SCGN: variants seen among roughly 807,000 people sequenced by gnomAD.
SCGN encodes the protein secretagogin.
Under a neutral mutation model 39.7 loss-of-function variants are expected in SCGN, and 30 were observed. That is an observed-to-expected ratio of 0.76 (90% CI 0.57 to 1.03). The LOEUF (loss-of-function observed/expected upper bound fraction) is 1.03, where lower values mean the gene tolerates loss of function less well. Among genes scored for constraint, SCGN ranks in the 50% least tolerant of loss-of-function variants. SCGN has a pLI of 0.00. For missense variants in SCGN, 353 were observed against 349.4 expected, an observed-to-expected ratio of 1.01 and a Z score of -0.08; for synonymous variants, 106 against 114.1, an observed-to-expected ratio of 0.93 and a Z score of 0.45.
intron 6 of SCGN, among the ~76,000 whole-genome samples, chr6:25,678,355 A>C (rs961939642): frequency 6.6e-6 from 1 of 152,144 alleles, no homozygotes; most frequent in South Asian, 2.1e-4. Flanking sequence ...GAGGGAGGAA[A>C]AATTCAGGCC....
At chr6:25,671,182 A>T (rs1054865177) in intron 6 of SCGN, among the ~76,000 whole-genome samples, 11 of 152,246 alleles carry the variant, frequency 7.2e-5, no homozygotes, top group Non-Finnish European at 1.5e-4. Flanking sequence ...ATTATGTCTA[A>T]CAACTTCTCT....
At chr6:25,686,440 T>C (rs1176412841) in intron 7 of SCGN, among the ~76,000 whole-genome samples, 2 of 152,198 alleles carry the variant, frequency 1.3e-5, no homozygotes, top group African/African-American at 2.4e-5. Context: ...TAGTATGTCA[T>C]TGTGATTTGC....
chr6:25,667,627 TTG>T (rs2151378657), intron 4 of SCGN, among the ~76,000 whole-genome samples: 1 of 152,316 alleles, frequency 6.6e-6, no homozygotes, highest in Non-Finnish European at 1.5e-5. Flanking sequence ...ATTGCTACCA[TTG>T]TCTTTGTTCG....
At chr6:25,667,655 T>C (rs1247200984) in intron 4 of SCGN, among the ~76,000 whole-genome samples, 3 of 152,242 alleles carry the variant, frequency 2.0e-5, no homozygotes, top group Non-Finnish European at 4.4e-5. Context: ...CCTTTTTGTA[T>C]GTCTTAGATT....
At chr6:25,656,309 A>G (rs1279318847) in intron 2 of SCGN, among the ~76,000 whole-genome samples, 1 of 152,196 alleles carries the variant, frequency 6.6e-6, no homozygotes, top group Non-Finnish European at 1.5e-5. Flanking sequence ...AGAGGCATGA[A>G]TAGCTCTACT....
chr6:25,695,392 C>T (rs1444871483), intron 10 of SCGN, among the ~76,000 whole-genome samples: 2 of 152,134 alleles, frequency 1.3e-5, no homozygotes, highest in African/African-American at 2.4e-5. Context: ...CACCCCCCTC[C>T]ACCTTTTTTT....
At position 25,676,542 on chromosome 6, in the gene SCGN, A is replaced by C. The variant is rs77931315; in HGVS notation, c.472-5409A>C. 3.3e-3 allele frequency among the ~76,000 whole-genome samples: 498 copies of C among 152,268 alleles called. 13 individuals carry two copies. The East Asian group carries it at 0.065, about 20-fold the overall frequency. On this transcript the variant is annotated intron_variant, in intron 6 of 10. Transcript: ENST00000377961. Reference sequence around the variant, plus strand: ...GCACTTGCCATATCCCTGCCAATCTATTTTTAACCCTGGTATGCATTTGAT... The same window carrying C: ...GCACTTGCCATATCCCTGCCAATCTCTTTTTAACCCTGGTATGCATTTGAT...
intron 10 of SCGN, 57 bp from the exon 11 acceptor site, chr6:25,701,150 T>G: frequency 6.4e-7 from 1 of 1,561,050 alleles, no homozygotes; most frequent in Non-Finnish European, 8.7e-7. Context: ...GAGAGGGTGT[T>G]AAAGGGTGAG....
At chr6:25,675,324 C>T (rs1759549662) in intron 6 of SCGN, among the ~76,000 whole-genome samples, 1 of 152,222 alleles carries the variant, frequency 6.6e-6, no homozygotes. Context: ...CTACAGCTGC[C>T]TGGGCACCAT....
chr6:25,694,688 G>A (rs1026623307), intron 10 of SCGN, among the ~76,000 whole-genome samples: 3 of 152,302 alleles, frequency 2.0e-5, no homozygotes, highest in Admixed American at 6.5e-5. Flanking sequence ...GTTCTCCTCC[G>A]AAAATTGAAG....
chr6:25,698,433 A>G (rs1759865381), intron 10 of SCGN, among the ~76,000 whole-genome samples: 1 of 152,244 alleles, frequency 6.6e-6, no homozygotes, highest in African/African-American at 2.4e-5. Context: ...AATTCACACT[A>G]ATGTGTAAAT....
chr6:25,679,755 G>A (rs1302712595), intron 6 of SCGN, among the ~76,000 whole-genome samples: 2 of 152,192 alleles, frequency 1.3e-5, no homozygotes, highest in African/African-American at 2.4e-5. Context: ...GGAAATTCAG[G>A]CCACTGAATT....
intron 6 of SCGN, among the ~76,000 whole-genome samples, chr6:25,673,764 C>T (rs1397258420): frequency 6.6e-6 from 1 of 152,066 alleles, no homozygotes. Context: ...TCCAGATGGC[C>T]CCTGTGTTAG....
intron 10 of SCGN, among the ~76,000 whole-genome samples, chr6:25,694,581 A>C (rs1286694740): frequency 1.3e-5 from 2 of 152,240 alleles, no homozygotes; most frequent in African/African-American, 2.4e-5. Context: ...CCTAGAGACC[A>C]AGTCAGACTG....
At chr6:25,658,893 C>T (rs1760283217) in intron 2 of SCGN, among the ~76,000 whole-genome samples, 1 of 152,220 alleles carries the variant, frequency 6.6e-6, no homozygotes, top group Non-Finnish European at 1.5e-5. Context: ...AAACTACTGA[C>T]TGACATGAAA....
chr6:25,696,686 G>A (rs1328246331), intron 10 of SCGN, among the ~76,000 whole-genome samples: 1 of 152,156 alleles, frequency 6.6e-6, no homozygotes, highest in East Asian at 1.9e-4. Context: ...AGAAAGAGCA[G>A]GTGTGCTTTC....
Position 25,693,173 on chromosome 6 carries a change from C to T in SCGN, c.702+2049C>T, listed in dbSNP as rs147307131. 3.0e-3 allele frequency among the ~76,000 whole-genome samples: 454 copies of T among 152,062 alleles called. 3 individuals carry two copies. The highest frequency in any genetic ancestry group is 0.01 in the African/African-American group (419 of 41,504). On this transcript the variant is annotated intron_variant, in intron 10 of 10. Transcript: ENST00000377961. ...TATTATTTTATTAGAACAAAGCGGC[C>T]GGGCGCGGTGGCTCATGCCTGTAAT...
chr6:25,653,253 T>C (rs549923195), intron 1 of SCGN, 129 bp from the exon 2 acceptor site: 10 of 658,910 alleles, frequency 1.5e-5, no homozygotes, highest in Non-Finnish European at 2.6e-5. Flanking sequence ...TGGCACTTTG[T>C]TATTGGAATA....
At chr6:25,678,519 T>C (rs1759594129) in intron 6 of SCGN, among the ~76,000 whole-genome samples, 1 of 152,214 alleles carries the variant, frequency 6.6e-6, no homozygotes, top group Non-Finnish European at 1.5e-5. Flanking sequence ...CCAATTTATC[T>C]GCAGCCTGTC....
Sources: gnomAD v4.1 joint callset for allele counts (sites outside exome capture counted in the v4.1 genomes callset) on GRCh38, gnomAD v4.1.1 for gene constraint, MANE v1.5 for transcripts, NCBI Gene and HGNC (gene_info 2026-07-23, HGNC 2026-07-21) for gene names.